The following GULP1 variants were observed in gnomAD, a reference collection of about 807,000 sequenced individuals.
GULP1 encodes the protein GULP PTB domain containing engulfment adaptor 1, also known as PTB domain-containing engulfment adapter protein 1.
In GULP1, 19 loss-of-function variants were observed where a neutral mutation model predicts 40.9. That is an observed-to-expected ratio of 0.46 (90% CI 0.32 to 0.68). The LOEUF is 0.68. Ranked by LOEUF, GULP1 falls within the 30% of genes least tolerant of loss-of-function variation. The pLI is 0.03. For synonymous variants in GULP1, 119 were observed against 117.6 expected (o/e 1.01, Z -0.08); for missense variants, 312 against 362.2 (o/e 0.86, Z 1.12).
intron 2 of GULP1, among the ~76,000 whole-genome samples, chr2:188,462,929 G>C (rs565104750): frequency 6.6e-6 from 1 of 151,750 alleles, no homozygotes; most frequent in Non-Finnish European, 1.5e-5. Context: ...CTTCATACCC[G>C]TTTTCTTTTA....
chr2:188,342,775 A>T (rs1453082241), intron 1 of GULP1, among the ~76,000 whole-genome samples: 1 of 152,142 alleles, frequency 6.6e-6, no homozygotes, highest in African/African-American at 2.4e-5. Context: ...TCGTTTTGCT[A>T]CTTCTCTAGT....
intron 3 of GULP1, among the ~76,000 whole-genome samples, chr2:188,480,009 T>A (rs2061325384): frequency 6.6e-6 from 1 of 152,114 alleles, no homozygotes; most frequent in Admixed American, 6.6e-5. Context: ...AATATTTTAC[T>A]CCAACCTGAA....
intron 1 of GULP1, chr2:188,297,603 A>T (rs1249020183): frequency 2.3e-6 from 1 of 426,098 alleles, no homozygotes; most frequent in African/African-American, 2.2e-5. Flanking sequence ...GGCTATCCTT[A>T]TTTCTATAAG....
At chr2:188,386,871 C>T (rs1267688457) in intron 2 of GULP1, among the ~76,000 whole-genome samples, 2 of 152,038 alleles carry the variant, frequency 1.3e-5, no homozygotes, top group African/African-American at 4.8e-5. Flanking sequence ...ATTTTGGTTG[C>T]AGGCAGTAGC....
chr2:188,416,992 C>G (rs191453591), intron 2 of GULP1, among the ~76,000 whole-genome samples: 3 of 152,118 alleles, frequency 2.0e-5, no homozygotes, highest in Admixed American at 2.0e-4. Flanking sequence ...GGAAAATACT[C>G]TTTGTCTACA....
chr2:188,429,578 C>T (rs921091595), intron 2 of GULP1, among the ~76,000 whole-genome samples: 5 of 152,132 alleles, frequency 3.3e-5, no homozygotes, highest in Non-Finnish European at 5.9e-5. Flanking sequence ...GGGTCAAAGC[C>T]TTGCAACTTA....
At chr2:188,466,751 A>G (rs1458086425) in intron 2 of GULP1, among the ~76,000 whole-genome samples, 3 of 152,106 alleles carry the variant, frequency 2.0e-5, no homozygotes, top group Non-Finnish European at 4.4e-5. Context: ...CTACCAGATC[A>G]TGACTCATGT....
At chr2:188,386,147 T>C (rs1308204270) in intron 2 of GULP1, among the ~76,000 whole-genome samples, 1 of 152,158 alleles carries the variant, frequency 6.6e-6, no homozygotes, top group Non-Finnish European at 1.5e-5. Flanking sequence ...TTAATGGACT[T>C]ACAGTTCCAT....
At chr2:188,577,616 T>C (rs931949160) in intron 9 of GULP1, among the ~76,000 whole-genome samples, 2 of 151,390 alleles carry the variant, frequency 1.3e-5, no homozygotes, top group African/African-American at 4.8e-5. Flanking sequence ...TCATTTAGCC[T>C]CTCCTTCTTT....
intron 7 of GULP1, 40 bp downstream of exon 7, chr2:188,541,358 T>C (rs1395912417): frequency 6.3e-7 from 1 of 1,578,960 alleles, no homozygotes; most frequent in Non-Finnish European, 8.7e-7. Flanking sequence ...TGTTCTGTTT[T>C]ATAAGCCAGG....
intron 6 of GULP1, among the ~76,000 whole-genome samples, chr2:188,534,324 TG>T (rs148694515): frequency 0.039 from 5,930 of 152,044 alleles, 258 homozygotes; most frequent in African/African-American, 0.1. Flanking sequence ...AGAATGAAAT[TG>T]TGTCCTTTTG....
chr2:188,467,285 G>T (rs1422051331), intron 2 of GULP1, among the ~76,000 whole-genome samples: 1 of 152,086 alleles, frequency 6.6e-6, no homozygotes, highest in East Asian at 1.9e-4. Flanking sequence ...TTTCTGCCTG[G>T]AAGTGTTGCA....
At chr2:188,553,717 G>A (rs1048811184) in intron 7 of GULP1, among the ~76,000 whole-genome samples, 1 of 151,950 alleles carries the variant, frequency 6.6e-6, no homozygotes, top group Non-Finnish European at 1.5e-5. Context: ...TTTTGGAATA[G>A]TTTCAGGATT....
At position 188,415,113 on chromosome 2, in the gene GULP1, A is replaced by G. The variant is rs527379720; in HGVS notation, c.-45+31224A>G. ...CATTTCACAATCCCAGAATTAGTTT[A>G]CAAATACCTAAAATTCTTTACTATA... On this transcript the variant is annotated intron_variant, in intron 2 of 11. Coordinates refer to ENST00000409830, the MANE Select transcript of GULP1 (RefSeq NM_016315.4). Among the ~76,000 whole-genome samples, 3 of 152,340 alleles carry G rather than the reference A, an allele frequency of 2.0e-5. No individual in the cohort carries two copies. The South Asian group carries it at 6.2e-4, about 32-fold the overall frequency.
At chr2:188,545,032 G>A (rs183288059) in intron 7 of GULP1, among the ~76,000 whole-genome samples, 109 of 152,130 alleles carry the variant, frequency 7.2e-4, no homozygotes, top group African/African-American at 2.5e-3. Context: ...GTGAATGGCA[G>A]TGTATTTCTC....
intron 1 of GULP1, among the ~76,000 whole-genome samples, chr2:188,368,796 C>T (rs1380356623): frequency 6.7e-6 from 1 of 150,208 alleles, no homozygotes; most frequent in East Asian, 1.9e-4. Context: ...AACATATTTC[C>T]TTTTTTGAAA....
At chr2:188,313,362 G>T (rs988769033) in intron 1 of GULP1, among the ~76,000 whole-genome samples, 1 of 151,920 alleles carries the variant, frequency 6.6e-6, no homozygotes, top group African/African-American at 2.4e-5. Flanking sequence ...ACCATTTACT[G>T]AATAGGAGAT....
rs964028456 is a variant in GULP1, at chr2:188,418,316, T to C, written c.-45+34427T>C. 3.9e-5 allele frequency among the ~76,000 whole-genome samples: 6 copies of C among 152,288 alleles called. No individual in the cohort carries two copies. The South Asian group carries it at 1.2e-3, about 32-fold the overall frequency. ...TGTGCTTCACGTGTTTCATGATGAATATATTACTTTTGCAGAGATGAAATG... is the reference window on the plus strand; with the variant it reads ...TGTGCTTCACGTGTTTCATGATGAACATATTACTTTTGCAGAGATGAAATG... On this transcript the variant is annotated intron_variant, in intron 2 of 11. Coordinates refer to ENST00000409830, the MANE Select transcript of GULP1 (RefSeq NM_016315.4).
chr2:188,443,194 G>A (rs893697047), intron 2 of GULP1, among the ~76,000 whole-genome samples: 1 of 151,790 alleles, frequency 6.6e-6, no homozygotes, highest in African/African-American at 2.4e-5. Context: ...GGCTGTGGGG[G>A]TGGGGGTTGG....
Sources: allele counts gnomAD v4.1 joint callset (sites outside exome capture counted in the v4.1 genomes callset), GRCh38; gene constraint gnomAD v4.1.1; transcripts MANE v1.5; gene names NCBI Gene and HGNC (gene_info 2026-07-23, HGNC 2026-07-21).